CLEC16A: variants seen among roughly 807,000 people sequenced by gnomAD.
CLEC16A encodes the protein C-type lectin domain containing 16A.
A neutral mutation model predicts 109.5 loss-of-function variants in CLEC16A; 51 were observed. That is an observed-to-expected ratio of 0.47 (90% confidence interval 0.37 to 0.59). The LOEUF (loss-of-function observed/expected upper bound fraction) is 0.59. CLEC16A is among the 20% of genes least tolerant of loss of function. The pLI is 0.00. For synonymous variants in CLEC16A, 673 were observed against 564.2 expected, an observed-to-expected ratio of 1.19 and a Z score of -2.73; for missense variants, 1,339 against 1,394.0, an observed-to-expected ratio of 0.96 and a Z score of 0.63.
At chr16:11,046,471 G>GGTGTGT (rs148342149) in intron 16 of CLEC16A, among the ~76,000 whole-genome samples, 2 of 150,792 alleles carry the variant, frequency 1.3e-5, no homozygotes, top group African/African-American at 4.9e-5. Context: ...CCAAGTGTGG[G>GGTGTGT]GTGTGTGTGT....
chr16:11,161,714 A>G (rs775430510), intron 22 of CLEC16A, among the ~76,000 whole-genome samples: 1 of 152,144 alleles, frequency 6.6e-6, no homozygotes, highest in Non-Finnish European at 1.5e-5. Context: ...AGCTCTGCTC[A>G]TCTCTCTCCC....
chr16:11,063,391 A>G (rs577589157), intron 19 of CLEC16A, among the ~76,000 whole-genome samples: 5 of 145,498 alleles, frequency 3.4e-5, no homozygotes, highest in South Asian at 4.2e-4. Flanking sequence ...CGCCTTCTGT[A>G]TACAAAATAC....
chr16:11,023,148 C>T (rs2046219371), intron 12 of CLEC16A, among the ~76,000 whole-genome samples: 2 of 149,426 alleles, frequency 1.3e-5, no homozygotes, highest in African/African-American at 2.5e-5. Flanking sequence ...TTCACCCTCC[C>T]TTCTCCCAGA....
intron 1 of CLEC16A, among the ~76,000 whole-genome samples, chr16:10,946,143 G>C (rs2041355124): frequency 6.6e-6 from 1 of 152,294 alleles, no homozygotes; most frequent in Admixed American, 6.5e-5. Flanking sequence ...CAAATCTTCA[G>C]TGTCAAGAAA....
At chr16:11,075,663 C>T (rs183537728) in intron 19 of CLEC16A, among the ~76,000 whole-genome samples, 1 of 152,106 alleles carries the variant, frequency 6.6e-6, no homozygotes, top group Non-Finnish European at 1.5e-5. Context: ...TCTCAAACTC[C>T]TGGGCTCAAG....
At chr16:11,096,421 G>A (rs1165546967) in intron 19 of CLEC16A, among the ~76,000 whole-genome samples, 2 of 152,112 alleles carry the variant, frequency 1.3e-5, no homozygotes, top group Non-Finnish European at 2.9e-5. Context: ...CAGTCACAGT[G>A]GGTATGTTTT....
At chr16:10,963,485 G>C (rs571414332) in intron 3 of CLEC16A, among the ~76,000 whole-genome samples, 3 of 152,260 alleles carry the variant, frequency 2.0e-5, no homozygotes, top group Admixed American at 1.3e-4. Context: ...TAAAGAGTTG[G>C]GGTCGCTGAA....
intron 22 of CLEC16A, among the ~76,000 whole-genome samples, chr16:11,131,336 T>C (rs2153047139): frequency 6.6e-6 from 1 of 152,324 alleles, no homozygotes; most frequent in South Asian, 2.1e-4. Context: ...GGCCACCCTT[T>C]CCATAAACTC....
chr16:10,978,286 GA>G (rs1405131436), intron 8 of CLEC16A, among the ~76,000 whole-genome samples: 1 of 152,214 alleles, frequency 6.6e-6, no homozygotes, highest in Non-Finnish European at 1.5e-5. Flanking sequence ...CCCCTGTGAG[GA>G]ATGCTGCTTC....
At position 11,071,600 on chromosome 16, in the gene CLEC16A, C is replaced by CT. The variant is rs762936938; in HGVS notation, c.2116+10596dup. Among the ~76,000 whole-genome samples, 1,074 of 118,902 alleles carry CT rather than the reference C, an allele frequency of 9.0e-3. 6 individuals are homozygous for CT. Among genetic ancestry groups the CT allele is most frequent in the Middle Eastern group, 0.028 (6 of 216 alleles). The allele number at this position is 118,902 out of a possible 152,430, so 78.0% of individuals were successfully genotyped here. A position where few individuals can be genotyped will look rare whatever the true frequency, so the allele number is the denominator to read the frequency against. On this transcript the variant is annotated intron_variant, in intron 19 of 23. Transcript: ENST00000409790. Reference sequence around the variant, plus strand: ...TATAATTGAGGTCAATATTACGTTTCTTTTTTTTTTTTTTTTTTAAGAGAT... The same window carrying CT: ...TATAATTGAGGTCAATATTACGTTTCTTTTTTTTTTTTTTTTTTTAAGAGAT...
At chr16:11,155,801 T>G (rs1484551599) in intron 22 of CLEC16A, among the ~76,000 whole-genome samples, 2 of 152,128 alleles carry the variant, frequency 1.3e-5, no homozygotes, top group Non-Finnish European at 2.9e-5. Flanking sequence ...CCCTGCAAAG[T>G]CGGAGTCCTG....
At chr16:10,947,735 T>G (rs1410042529) in intron 1 of CLEC16A, among the ~76,000 whole-genome samples, 2 of 152,178 alleles carry the variant, frequency 1.3e-5, no homozygotes, top group Admixed American at 1.3e-4. Context: ...CTGGACAAAC[T>G]AGTATAAACT....
At chr16:11,114,489 G>A (rs1013712129) in intron 19 of CLEC16A, among the ~76,000 whole-genome samples, 3 of 152,074 alleles carry the variant, frequency 2.0e-5, no homozygotes, top group Non-Finnish European at 4.4e-5. Flanking sequence ...CACATACCAC[G>A]ACAGAGCCGT....
intron 11 of CLEC16A, among the ~76,000 whole-genome samples, chr16:11,017,919 A>G (rs1422776128): frequency 6.6e-6 from 1 of 152,142 alleles, no homozygotes; most frequent in African/African-American, 2.4e-5. Flanking sequence ...TGGAACAGAA[A>G]AAAGACATTG....
At chr16:11,059,230 A>G (rs2048359880) in intron 18 of CLEC16A, among the ~76,000 whole-genome samples, 1 of 152,218 alleles carries the variant, frequency 6.6e-6, no homozygotes, top group Non-Finnish European at 1.5e-5. Context: ...GAATTTTTTA[A>G]TGGAACTACA....
rs1013449436 is a variant in CLEC16A at position 11,107,359 on chromosome 16, T to A, written c.2117-13256T>A. Among the ~76,000 whole-genome samples, 7 of 152,248 alleles carry A rather than the reference T, an allele frequency of 4.6e-5. No homozygotes were observed. The South Asian group carries it at 1.2e-3, about 27-fold the overall frequency. ...ATCACACTTCACAACTGCCCCCTTT[T>A]CATGCTGGGAAGGAATGCTTTAGGG... On this transcript the variant is annotated intron_variant, in intron 19 of 23. Coordinates refer to ENST00000409790, the MANE Select transcript of CLEC16A (RefSeq NM_015226.3).
intron 1 of CLEC16A, among the ~76,000 whole-genome samples, chr16:10,946,108 C>A (rs1252234546): frequency 6.6e-6 from 1 of 151,902 alleles, no homozygotes; most frequent in Non-Finnish European, 1.5e-5. Flanking sequence ...AGGGAAATGG[C>A]GGGGATGCTG....
intron 19 of CLEC16A, among the ~76,000 whole-genome samples, chr16:11,115,200 G>C (rs1434826932): frequency 6.6e-6 from 1 of 152,164 alleles, no homozygotes; most frequent in African/African-American, 2.4e-5. Context: ...CTTCTTTTGT[G>C]AATGTGAAAA....
intron 10 of CLEC16A, among the ~76,000 whole-genome samples, chr16:10,992,083 A>G (rs2044051429): frequency 1.3e-5 from 2 of 152,210 alleles, no homozygotes; most frequent in Admixed American, 1.3e-4. Flanking sequence ...ACCTGGCCCC[A>G]GGACAGCTTC....
Sources: gnomAD v4.1 joint callset for allele counts (sites outside exome capture counted in the v4.1 genomes callset) on GRCh38, gnomAD v4.1.1 for gene constraint, MANE v1.5 for transcripts, NCBI Gene and HGNC (gene_info 2026-07-23, HGNC 2026-07-21) for gene names.